The following COL4A4 variants were observed in gnomAD, a reference collection of about 807,000 sequenced individuals.
COL4A4 encodes the protein collagen alpha-4(IV) chain.
In COL4A4, 105 loss-of-function variants were observed where a neutral mutation model predicts 192.9. The observed-to-expected ratio is 0.54, with a 90% CI of 0.46 to 0.64. The LOEUF (loss-of-function observed/expected upper bound fraction) is 0.64. COL4A4 is among the 30% of genes least tolerant of loss of function. The pLI, the probability that COL4A4 is intolerant of heterozygous loss-of-function variation, is 0.00. For synonymous variants in COL4A4, 762 were observed against 769.9 expected (o/e 0.99, Z 0.17); for missense variants, 1,967 against 2,169.3 (o/e 0.91, Z 1.85).
At chr2:227,041,860 A>AGAGAGAGAG (rs1559478521) in intron 37 of COL4A4, among the ~76,000 whole-genome samples, 7 of 92,284 alleles carry the variant, frequency 7.6e-5, no homozygotes, top group African/African-American at 1.6e-4. Flanking sequence ...GAAAGAAAGA[A>AGAGAGAGAG]AGAAAGAAAG....
intron 37 of COL4A4, among the ~76,000 whole-genome samples, chr2:227,041,850 G>A (rs374653426): frequency 5.4e-3 from 346 of 63,900 alleles, no homozygotes; most frequent in African/African-American, 9.3e-3. Flanking sequence ...GAAAGAAAGA[G>A]AAAGAAAGAA....
chr2:227,074,152 C>T (rs185226280), intron 25 of COL4A4, among the ~76,000 whole-genome samples: 38 of 151,860 alleles, frequency 2.5e-4, no homozygotes, highest in Admixed American at 1.1e-3. Context: ...ACTATGCATC[C>T]GACAAAGGGC....
chr2:227,070,630 A>G (rs1294434965), intron 25 of COL4A4, among the ~76,000 whole-genome samples: 1 of 150,138 alleles, frequency 6.7e-6, no homozygotes, highest in Non-Finnish European at 1.5e-5. Flanking sequence ...CAAAAAACCA[A>G]ACACCACATA....
intron 37 of COL4A4, among the ~76,000 whole-genome samples, chr2:227,041,116 TTTCTC>T (rs1291962459): frequency 6.6e-6 from 1 of 152,172 alleles, no homozygotes; most frequent in Non-Finnish European, 1.5e-5. Flanking sequence ...ACCTTATTGT[TTTCTC>T]TTCCACTTAT....
chr2:227,032,637 T>G (rs1326909199), intron 38 of COL4A4, among the ~76,000 whole-genome samples: 1 of 152,218 alleles, frequency 6.6e-6, no homozygotes, highest in Non-Finnish European at 1.5e-5. Flanking sequence ...TTAGAACTAT[T>G]GTGGAATTTC....
At chr2:227,068,373 T>C (rs1199703185) in intron 25 of COL4A4, among the ~76,000 whole-genome samples, 1 of 152,148 alleles carries the variant, frequency 6.6e-6, no homozygotes, top group African/African-American at 2.4e-5. Context: ...TTTTATGAGG[T>C]CAGCATCATC....
chr2:226,999,461 G>T (rs1960404391), downstream of COL4A4, among the ~76,000 whole-genome samples: 2 of 152,168 alleles, frequency 1.3e-5, no homozygotes, highest in Admixed American at 1.3e-4. Flanking sequence ...TGTCACCAAG[G>T]AGTCCCTGTG....
chr2:227,055,522 AAAAAT>A (rs898840009), intron 30 of COL4A4, among the ~76,000 whole-genome samples: 9 of 151,964 alleles, frequency 5.9e-5, no homozygotes, highest in African/African-American at 2.2e-4. Context: ...AATAAAATAA[AAAAAT>A]AAAATAAAAA....
intron 17 of COL4A4, among the ~76,000 whole-genome samples, chr2:227,100,977 T>G (rs1433241356): frequency 1.3e-5 from 2 of 151,798 alleles, no homozygotes; most frequent in East Asian, 3.9e-4. Flanking sequence ...GCTAATTTTG[T>G]TTTTGTATTT....
intron 28 of COL4A4, 124 bp downstream of exon 28, chr2:227,059,280 GA>G: frequency 1.2e-6 from 1 of 863,944 alleles, no homozygotes; most frequent in South Asian, 1.3e-5. Context: ...CCAAATGAGG[GA>G]AAACACTTGG....
rs1158066958 is a variant in COL4A4, at chr2:227,005,951, AATC to A, written c.*1371_*1373del. On this transcript the variant is annotated 3_prime_UTR_variant, in exon 48 of 48. Transcript: ENST00000396625. Reference sequence around the variant, plus strand: ...GATCTTTTGCTTTACAGAAAAAAATAATCATTATAAATTGACACACATTCTAAA... The same window carrying A: ...GATCTTTTGCTTTACAGAAAAAAATAATTATAAATTGACACACATTCTAAA... The A allele has an allele frequency of 9.2e-5, 14 of 152,334 alleles. No homozygotes were observed. Among genetic ancestry groups the A allele is most frequent in the South Asian group, 2.1e-4 (1 of 4,830 alleles). 9.4% of individuals were successfully genotyped at this position (152,334 alleles called of 1,614,324 possible).
intron 25 of COL4A4, among the ~76,000 whole-genome samples, chr2:227,076,436 T>A (rs1044157591): frequency 6.6e-6 from 1 of 152,160 alleles, no homozygotes; most frequent in African/African-American, 2.4e-5. Context: ...TGGCTAGCCA[T>A]ATGCAGAAAG....
In COL4A4 at chr2:227,100,893, C is replaced by T. The variant is rs189001809; in HGVS notation, c.1029+611G>A. On this transcript the variant is annotated intron_variant, in intron 17 of 47. Coordinates refer to ENST00000396625, the MANE Select transcript of COL4A4 (RefSeq NM_000092.5). ...GATCTCAGCTCACTGCAAGCTCCAC[C>T]TCCCAGGTTCATGCCATTCTCCTGC... is the stretch of plus-strand genomic sequence containing the variant. Among the ~76,000 whole-genome samples, 1,440 of 151,962 alleles carry T rather than the reference C, an allele frequency of 9.5e-3. 26 individuals carry two copies. Among genetic ancestry groups the T allele is most frequent in the African/African-American group, 0.033 (1,356 of 41,406 alleles).
At chr2:227,139,147 A>C (rs2125277507) in intron 4 of COL4A4, among the ~76,000 whole-genome samples, 1 of 152,318 alleles carries the variant, frequency 6.6e-6, no homozygotes, top group East Asian at 1.9e-4. Context: ...AGAAGACACC[A>C]TCTGCACACC....
intron 34 of COL4A4, 61 bp downstream of exon 34, chr2:227,050,007 A>C: frequency 6.6e-7 from 1 of 1,513,792 alleles, no homozygotes; most frequent in Non-Finnish European, 9.2e-7. Flanking sequence ...ACTTGTTTAC[A>C]ATGTTATAAA....
the COL4A4 span, among the ~76,000 whole-genome samples, chr2:226,989,463 C>T: frequency 7.9e-5 from 12 of 152,164 alleles, no homozygotes; most frequent in African/African-American, 2.4e-4. Context: ...ATCCTCATAT[C>T]TTGATCTGGA....
chr2:227,033,146 T>A (rs1968789618), intron 38 of COL4A4, among the ~76,000 whole-genome samples: 1 of 152,258 alleles, frequency 6.6e-6, no homozygotes, highest in Non-Finnish European at 1.5e-5. Context: ...AGAGTACTTT[T>A]AGTGGACAGA....
chr2:227,117,852 T>A (rs901893186), intron 7 of COL4A4, among the ~76,000 whole-genome samples: 7 of 152,200 alleles, frequency 4.6e-5, no homozygotes, highest in African/African-American at 1.7e-4. Context: ...TACTATCAAC[T>A]GTTGCTGGAC....
At chr2:226,975,616 A>C in the COL4A4 span, among the ~76,000 whole-genome samples, 1 of 152,224 alleles carries the variant, frequency 6.6e-6, no homozygotes, top group Admixed American at 6.5e-5. Flanking sequence ...TTGGATTTAA[A>C]GATGGCGTCA....
Sources: allele counts gnomAD v4.1 joint callset (sites outside exome capture counted in the v4.1 genomes callset), GRCh38; gene constraint gnomAD v4.1.1; transcripts MANE v1.5; gene names NCBI Gene and HGNC (gene_info 2026-07-23, HGNC 2026-07-21).